SLC17A5: variants seen among roughly 807,000 people sequenced by gnomAD.
SLC17A5 encodes sialin.
A neutral mutation model predicts 59.4 loss-of-function variants in SLC17A5; 47 were observed. The ratio of observed to expected loss-of-function variants is 0.79; its 90% CI spans 0.63 to 1.01. SLC17A5 has a LOEUF of 1.01. SLC17A5 is among the 50% of genes least tolerant of loss of function. SLC17A5 has a pLI of 0.00. For missense variants in SLC17A5, 522 were observed against 595.5 expected, an observed-to-expected ratio of 0.88 and a Z score of 1.28; for synonymous variants, 202 against 210.7, an observed-to-expected ratio of 0.96 and a Z score of 0.36.
At chr6:73,644,670 C>T (rs761514598) in intron 1 of SLC17A5, 67 bp from the exon 2 acceptor site, 27 of 1,449,986 alleles carry the variant, frequency 1.9e-5, no homozygotes, top group Non-Finnish European at 2.4e-5. Context: ...CAGGGTTTTG[C>T]CATGTTGCTT....
intron 9 of SLC17A5, among the ~76,000 whole-genome samples, chr6:73,602,900 T>A (rs989170952): frequency 1.3e-5 from 2 of 152,134 alleles, no homozygotes; most frequent in African/African-American, 4.8e-5. Context: ...AGCTTAAAGT[T>A]TTTTAAGTTA....
At chr6:73,618,435 C>T (rs115333451) in intron 7 of SLC17A5, 267 of 362,940 alleles carry the variant, frequency 7.4e-4, no homozygotes, top group African/African-American at 5.1e-3. Flanking sequence ...CTAATTCCTA[C>T]TTCATGGATG....
At chr6:73,596,228 A>G (rs1766793183) in intron 10 of SLC17A5, among the ~76,000 whole-genome samples, 1 of 152,166 alleles carries the variant, frequency 6.6e-6, no homozygotes, top group African/African-American at 2.4e-5. Context: ...ACTAACACTA[A>G]GAAAGTCTTA....
rs958200502 is a variant in SLC17A5 at position 73,593,919 on chromosome 6, A to G, written c.*1158T>C. Reference sequence around the variant, plus strand: ...ATCTCTACAAAATACAAACGAACAAAACACAGCACATAGAAATTTATACTG... The same window carrying G: ...ATCTCTACAAAATACAAACGAACAAGACACAGCACATAGAAATTTATACTG... On this transcript the variant is annotated 3_prime_UTR_variant, in exon 11 of 11. Coordinates refer to ENST00000355773, the MANE Select transcript of SLC17A5 (RefSeq NM_012434.5). 6.6e-6 allele frequency: 1 copy of G among 152,146 alleles called. No homozygotes were observed. The highest frequency in any genetic ancestry group is 2.4e-5 in the African/African-American group (1 of 41,436). The allele number at this position is 152,146 out of a possible 1,614,324, so 9.4% of individuals were successfully genotyped here.
At chr6:73,630,055 T>C (rs5007651) in intron 6 of SLC17A5, among the ~76,000 whole-genome samples, 24,746 of 151,580 alleles carry the variant, frequency 0.16, 3,110 homozygotes, top group African/African-American at 0.35. Flanking sequence ...TGCAGTGGTA[T>C]GATCTTGGCT....
chr6:73,603,733 C>G (rs1471140948), intron 9 of SLC17A5, among the ~76,000 whole-genome samples: 2 of 151,914 alleles, frequency 1.3e-5, no homozygotes, highest in Non-Finnish European at 2.9e-5. Context: ...AATTGCTGTC[C>G]CTTTACTAGG....
At chr6:73,638,100 A>C (rs745586965) in intron 4 of SLC17A5, among the ~76,000 whole-genome samples, 5 of 152,100 alleles carry the variant, frequency 3.3e-5, no homozygotes, top group Non-Finnish European at 5.9e-5. Context: ...CAAAAATAAA[A>C]TTTAAAACCC....
chr6:73,599,171 G>A (rs532690120), intron 10 of SLC17A5, among the ~76,000 whole-genome samples: 22 of 152,124 alleles, frequency 1.4e-4, no homozygotes, highest in Non-Finnish European at 2.6e-4. Flanking sequence ...AACGGAGTGC[G>A]AAACTTATTT....
At chr6:73,633,971 T>C (rs1027886027) in intron 6 of SLC17A5, among the ~76,000 whole-genome samples, 3 of 152,094 alleles carry the variant, frequency 2.0e-5, no homozygotes, top group Non-Finnish European at 4.4e-5. Flanking sequence ...ACTAATAAAG[T>C]GACTTTGAAG....
intron 6 of SLC17A5, among the ~76,000 whole-genome samples, chr6:73,622,455 C>T (rs963374398): frequency 2.6e-5 from 4 of 152,136 alleles, no homozygotes; most frequent in African/African-American, 9.6e-5. Context: ...GCATACTCCA[C>T]CAGGCCTGGC....
In SLC17A5 at chr6:73,644,277, A is replaced by G. The variant is rs540955970; in HGVS notation, c.291+130T>C. ...GCCCAATCAGTTCCTGGGAAAACAC[A>G]AAAAGAAAGTGATTCAGAGTATACA... On this transcript the variant is annotated intron_variant, in intron 2 of 10. Transcript: ENST00000355773. 106 of 745,488 alleles carry G rather than the reference A, an allele frequency of 1.4e-4. No individual in the cohort carries two copies. The African/African-American group carries it at 1.8e-3, about 12-fold the overall frequency. 46.2% of individuals were successfully genotyped at this position (745,488 alleles called of 1,614,324 possible).
At position 73,644,217 on chromosome 6, in the gene SLC17A5, C is replaced by T. The variant is rs538870949; in HGVS notation, c.291+190G>A. Among the ~76,000 whole-genome samples the T allele has an allele frequency of 1.2e-4, 18 of 152,226 alleles. No homozygotes were observed. The East Asian group carries it at 1.5e-3, about 13-fold the overall frequency. The stretch of plus-strand genomic sequence containing the variant: ...TTTTCAAACAGATGAAGGTGTATTA[C>T]GGCATAGCAGTAGTAGCTATAGTTA... On this transcript the variant is annotated intron_variant, in intron 2 of 10. Coordinates refer to ENST00000355773, the MANE Select transcript of SLC17A5 (RefSeq NM_012434.5).
chr6:73,603,611 G>T (rs750962251), intron 9 of SLC17A5, among the ~76,000 whole-genome samples: 1 of 150,182 alleles, frequency 6.7e-6, no homozygotes, highest in South Asian at 2.1e-4. Flanking sequence ...GTAGAAACGG[G>T]GTTTCACCAC....
Position 73,624,361 on chromosome 6 carries a change from G to A in SLC17A5, c.820-2399C>T, listed in dbSNP as rs530730043. On this transcript the variant is annotated intron_variant, in intron 6 of 10. Transcript: ENST00000355773. ...GGAGGTTGCAGAGAGCTGAGATCAC[G>A]CTACTGCACTCCCGCCTGGGCGACA... Among the ~76,000 whole-genome samples, 167 of 152,102 alleles carry A rather than the reference G, an allele frequency of 1.1e-3. 1 individual carries two copies. The highest frequency in any genetic ancestry group is 3.8e-3 in the African/African-American group (157 of 41,524).
chr6:73,648,866 A>G (rs1230315054), intron 1 of SLC17A5, among the ~76,000 whole-genome samples: 1 of 152,156 alleles, frequency 6.6e-6, no homozygotes, highest in Middle Eastern at 3.2e-3. Context: ...TGGAAATGAG[A>G]CAGATAAACA....
rs781541055 is a variant in SLC17A5, at chr6:73,641,822, T to G, written c.394A>C (p.Lys132Gln). The G allele has an allele frequency of 1.9e-5, 30 of 1,614,050 alleles. No homozygotes were observed. Among genetic ancestry groups the G allele is most frequent in the Non-Finnish European group, 2.5e-5 (30 of 1,180,034 alleles). Residue 132 changes from lysine to glutamine, a missense_variant, in exon 3 of 11, where the codon AAA (lysine) becomes CAA (glutamine). Lys to Gln is a moderately conservative substitution (Grantham distance 53). This residue lies in a region of SLC17A5 where 338 missense variants were observed against 363.8 expected (regional missense o/e 0.93). Transcript: ENST00000355773. Reference protein sequence around the residue: ...TQIPGGYVASKIGGKMLLGFG... With the variant: ...TQIPGGYVASQIGGKMLLGFG... ...CCTAGCAGCATTTTCCCCCCTATTT[T>G]GCTGGCAACATATCCTCCAGGAATC... is the stretch of plus-strand genomic sequence containing the variant.
Position 73,644,191 on chromosome 6 carries a change from CT to C in SLC17A5, c.291+215del, listed in dbSNP as rs35273220. ...GTTTATAGAGGGAATGGAAGAACTA[CT>C]TTTCAAACAGATGAAGGTGTATTAC... On this transcript the variant is annotated intron_variant, in intron 2 of 10. Coordinates refer to ENST00000355773, the MANE Select transcript of SLC17A5 (RefSeq NM_012434.5). Among the ~76,000 whole-genome samples the C allele has an allele frequency of 2.6e-5, 4 of 152,264 alleles. No homozygotes were observed. The East Asian group carries it at 7.7e-4, about 29-fold the overall frequency.
At position 73,638,409 on chromosome 6, in the gene SLC17A5, C is replaced by T; in HGVS notation, c.613+3G>A. On this transcript the variant is annotated splice_donor_region_variant and intron_variant, in intron 4 of 10. Transcript: ENST00000355773. ...CAGCAAAATTTGGTAATTGTTATCT[C>T]ACCTGCATATGAAATGCTAAGAAGT... is the stretch of plus-strand genomic sequence containing the variant. The T allele has an allele frequency of 6.2e-7, 1 of 1,610,840 alleles. No homozygotes were observed. Among genetic ancestry groups the T allele is most frequent in the Non-Finnish European group, 8.5e-7 (1 of 1,177,148 alleles).
intron 1 of SLC17A5, among the ~76,000 whole-genome samples, chr6:73,649,698 A>G (rs1034657669): frequency 1.1e-4 from 16 of 152,230 alleles, no homozygotes; most frequent in Non-Finnish European, 2.2e-4. Flanking sequence ...TCACTGAGTT[A>G]GTAATGTAAA....
Sources: allele counts gnomAD v4.1 joint callset (sites outside exome capture counted in the v4.1 genomes callset), GRCh38; gene constraint gnomAD v4.1.1; regional missense constraint gnomAD v4.1.1; transcripts MANE v1.5; gene names NCBI Gene and HGNC (gene_info 2026-07-23, HGNC 2026-07-21).